Variants in PCP4 observed in about 807,000 individuals in gnomAD.
PCP4 encodes the protein Purkinje cell protein 4, also known as calmodulin regulator protein PCP4.
In PCP4, 8 loss-of-function variants were observed where a neutral mutation model predicts 10.0. That is an observed-to-expected ratio of 0.80 (90% CI 0.47 to 1.45). The LOEUF is 1.45. PCP4 is among the 40% of genes most tolerant of loss of function. PCP4 has a pLI of 0.00. For synonymous variants in PCP4, 21 were observed against 23.0 expected, an observed-to-expected ratio of 0.91 and a Z score of 0.24; for missense variants, 54 against 74.4, an observed-to-expected ratio of 0.73 and a Z score of 1.01.
intron 1 of PCP4, among the ~76,000 whole-genome samples, chr21:39,869,123 C>CT (rs1220450087): frequency 6.6e-6 from 1 of 152,136 alleles, no homozygotes; most frequent in Admixed American, 6.5e-5. Flanking sequence ...TAAGAGTTTC[C>CT]TATAGAAGAA....
intron 2 of PCP4, among the ~76,000 whole-genome samples, chr21:39,915,674 C>T (rs1395380942): frequency 2.6e-5 from 4 of 152,130 alleles, no homozygotes; most frequent in Non-Finnish European, 5.9e-5. Context: ...CCAGCCATTG[C>T]ACCTACATTT....
At chr21:39,890,850 T>G (rs2146333364) in intron 1 of PCP4, among the ~76,000 whole-genome samples, 1 of 152,294 alleles carries the variant, frequency 6.6e-6, no homozygotes, top group South Asian at 2.1e-4. Flanking sequence ...TGTGATTTTG[T>G]AATGGATTTC....
chr21:39,929,205 C>T lies in PCP4; in HGVS notation c.*94C>T. ...AACAACACCCTAGAGAGAAGTCATC[C>T]ACACACAATCCACACACGCATAGCA... On this transcript the variant is annotated 3_prime_UTR_variant, in exon 3 of 3. Transcript: ENST00000328619. 7.9e-7 allele frequency: 1 copy of T among 1,263,696 alleles called. No individual in the cohort carries two copies. The highest frequency in any genetic ancestry group is 1.1e-6 in the Non-Finnish European group (1 of 905,686). The allele number at this position is 1,263,696 out of a possible 1,614,324, so 78.3% of individuals were successfully genotyped here. A position where few individuals can be genotyped will look rare whatever the true frequency, so the allele number is the denominator to read the frequency against.
At chr21:39,897,990 G>A (rs1055303286) in intron 1 of PCP4, among the ~76,000 whole-genome samples, 2 of 142,666 alleles carry the variant, frequency 1.4e-5, no homozygotes, top group South Asian at 2.2e-4. Flanking sequence ...AGGTTGCAGC[G>A]AGCCAAGATT....
At chr21:39,917,102 GA>G (rs556888393) in intron 2 of PCP4, among the ~76,000 whole-genome samples, 4 of 151,506 alleles carry the variant, frequency 2.6e-5, no homozygotes, top group African/African-American at 7.3e-5. Context: ...AAAAATTAAA[GA>G]AAAAAAAATT....
chr21:39,904,405 A>T (rs1285758654), intron 2 of PCP4, among the ~76,000 whole-genome samples: 1 of 152,148 alleles, frequency 6.6e-6, no homozygotes, highest in Non-Finnish European at 1.5e-5. Flanking sequence ...AATTGTGTGG[A>T]GTAAGGCTTC....
At chr21:39,928,957 C>T (rs1214693587) in intron 2 of PCP4, 27 bp from the exon 3 acceptor site, 1 of 1,604,704 alleles carries the variant, frequency 6.2e-7, no homozygotes, top group East Asian at 2.3e-5. Context: ...CAGTGATTGC[C>T]TTCTGTTTGT....
chr21:39,923,309 A>G (rs548254001), intron 2 of PCP4, among the ~76,000 whole-genome samples: 18 of 152,344 alleles, frequency 1.2e-4, no homozygotes, highest in Non-Finnish European at 2.4e-4. Flanking sequence ...CTTGATGGGC[A>G]GAAAGCAGAC....
chr21:39,882,882 C>A (rs2037917), intron 1 of PCP4, among the ~76,000 whole-genome samples: 5,060 of 152,324 alleles, frequency 0.033, 282 homozygotes, highest in African/African-American at 0.11. Context: ...GAAATCGAAT[C>A]TCTTCTATTC....
At chr21:39,913,288 C>T (rs1253682046) in intron 2 of PCP4, among the ~76,000 whole-genome samples, 2 of 152,144 alleles carry the variant, frequency 1.3e-5, no homozygotes, top group African/African-American at 2.4e-5. Flanking sequence ...TTGCTCCAAA[C>T]CTACAAAGAG....
At position 39,906,037 on chromosome 21, in the gene PCP4, G is replaced by T. The variant is rs930576709; in HGVS notation, c.61+7510G>T. ...TGCACTCCAACCTGGGTGACAGAGC[G>T]AGACTCCGTCTCAAAATGCTCCCCC... On this transcript the variant is annotated intron_variant, in intron 2 of 2. Coordinates refer to ENST00000328619, the MANE Select transcript of PCP4 (RefSeq NM_006198.3). This position sits in a 1 kb window ranked among gnomAD's most constrained non-coding sequence, Gnocchi z 6.3. 6.6e-6 allele frequency among the ~76,000 whole-genome samples: 1 copy of T among 152,154 alleles called. No homozygotes were observed. Among genetic ancestry groups the T allele is most frequent in the African/African-American group, 2.4e-5 (1 of 41,458 alleles).
intron 1 of PCP4, among the ~76,000 whole-genome samples, chr21:39,878,579 G>T (rs922404576): frequency 6.6e-6 from 1 of 152,206 alleles, no homozygotes; most frequent in African/African-American, 2.4e-5. Flanking sequence ...CTGTATATTG[G>T]AAAGAGATTA....
Position 39,927,331 on chromosome 21 carries a change from A to G in PCP4, c.62-1653A>G, listed in dbSNP as rs1164126298. ...CTATCTATCTATCTATCATCTATCT[A>G]TCTATCTGTCTATCTATCTATCTAT... is the stretch of plus-strand genomic sequence containing the variant. On this transcript the variant is annotated intron_variant, in intron 2 of 2. Coordinates refer to ENST00000328619, the MANE Select transcript of PCP4 (RefSeq NM_006198.3). 3.8e-3 allele frequency among the ~76,000 whole-genome samples: 192 copies of G among 50,888 alleles called. 1 individual carries two copies. Among genetic ancestry groups the G allele is most frequent in the African/African-American group, 0.011 (159 of 14,488 alleles). 33.4% of individuals were successfully genotyped at this position (50,888 alleles called of 152,430 possible).
chr21:39,880,829 G>A (rs1312543507), intron 1 of PCP4, among the ~76,000 whole-genome samples: 1 of 152,190 alleles, frequency 6.6e-6, no homozygotes, highest in Non-Finnish European at 1.5e-5. Flanking sequence ...GTGACCTTTG[G>A]CCATTTGTAA....
chr21:39,885,572 G>A (rs2087396451), intron 1 of PCP4, among the ~76,000 whole-genome samples: 1 of 152,230 alleles, frequency 6.6e-6, no homozygotes. Flanking sequence ...CCTCCATGTG[G>A]TTTGGGGTTC....
chr21:39,915,321 A>G (rs934984966), intron 2 of PCP4, among the ~76,000 whole-genome samples: 16 of 152,238 alleles, frequency 1.1e-4, no homozygotes, highest in African/African-American at 3.1e-4. Context: ...CACGTAAGCA[A>G]AAGATAAAAT....
chr21:39,908,387 G>T (rs1220620546), intron 2 of PCP4, among the ~76,000 whole-genome samples: 1 of 152,176 alleles, frequency 6.6e-6, no homozygotes, highest in Admixed American at 6.5e-5. Context: ...TGGCTGGAAG[G>T]TGGGTGAGGG....
Position 39,929,247 on chromosome 21 carries a change from A to G in PCP4, c.*136A>G. 1 of 726,356 alleles carries G rather than the reference A, an allele frequency of 1.4e-6. No individual in the cohort carries two copies. 45.0% of individuals were successfully genotyped at this position (726,356 alleles called of 1,614,324 possible). On this transcript the variant is annotated 3_prime_UTR_variant, in exon 3 of 3. Transcript: ENST00000328619. ...CGCATAGCAAACCTCCAATGCATGT[A>G]CAGAAACCTGTGATATTTATACCCT...
chr21:39,882,828 C>T (rs1181396421), intron 1 of PCP4, among the ~76,000 whole-genome samples: 1 of 152,200 alleles, frequency 6.6e-6, no homozygotes, highest in Non-Finnish European at 1.5e-5. Flanking sequence ...CTCTGTTACT[C>T]TTGGCATCGG....
Sources: gnomAD v4.1 joint callset for allele counts (sites outside exome capture counted in the v4.1 genomes callset) on GRCh38, gnomAD v4.1.1 for gene constraint, Gnocchi (gnomAD v3.1) non-coding constraint, MANE v1.5 for transcripts, NCBI Gene and HGNC (gene_info 2026-07-23, HGNC 2026-07-21) for gene names.